GRB2: variants seen among roughly 807,000 people sequenced by gnomAD.
GRB2 encodes the protein growth factor receptor-bound protein 2.
GRB2 carries 2 observed loss-of-function variants against 27.4 expected under a neutral mutation model. The observed-to-expected ratio is 0.07, with a 90% confidence interval of 0.03 to 0.23. The LOEUF (loss-of-function observed/expected upper bound fraction) is 0.23. Ranked by LOEUF, GRB2 falls within the 10% of genes least tolerant of loss-of-function variation. The pLI is 1.00. For missense variants in GRB2, 102 were observed against 282.4 expected (o/e 0.36, Z 4.58); for synonymous variants, 94 against 99.6 (o/e 0.94, Z 0.33).
intron 1 of GRB2, 138 bp from the exon 2 acceptor site, chr17:75,393,903 GC>G (rs34770042): frequency 0.73 from 287,593 of 394,626 alleles, 109,738 homozygotes; most frequent in East Asian, 0.91. Flanking sequence ...CCAGGCAACA[GC>G]CCCCCCCCGC....
intron 2 of GRB2, among the ~76,000 whole-genome samples, chr17:75,366,005 T>C (rs936574913): frequency 6.6e-6 from 1 of 152,186 alleles, no homozygotes; most frequent in Non-Finnish European, 1.5e-5. Context: ...TTAAAACACA[T>C]GTAAACATAA....
intron 2 of GRB2, among the ~76,000 whole-genome samples, chr17:75,392,291 G>T (rs1598255669): frequency 6.6e-6 from 1 of 152,224 alleles, no homozygotes; most frequent in South Asian, 2.1e-4. Context: ...CTCGAAAAGT[G>T]TGGTGTCACA....
chr17:75,389,307 C>CT (rs11393747), intron 2 of GRB2, among the ~76,000 whole-genome samples: 152,322 of 152,322 alleles, frequency 1, 76,161 homozygotes, highest in Non-Finnish European at 1. Context: ...TCCTGTTCTC[C>CT]TACAAGGTTC....
At chr17:75,326,345 TG>T (rs1286246071) in intron 3 of GRB2, 2 of 287,710 alleles carry the variant, frequency 7.0e-6, no homozygotes, top group Non-Finnish European at 1.3e-5. Flanking sequence ...CAAAGGCGCC[TG>T]GGGAAAAGCT....
At chr17:75,351,832 T>C (rs1272665416) in intron 2 of GRB2, among the ~76,000 whole-genome samples, 2 of 152,158 alleles carry the variant, frequency 1.3e-5, no homozygotes, top group Non-Finnish European at 2.9e-5. Context: ...AATTACCAAT[T>C]CAAATAAATA....
intron 2 of GRB2, among the ~76,000 whole-genome samples, chr17:75,337,898 C>CTATTAT (rs1187281414): frequency 0.028 from 3,722 of 133,002 alleles, 60 homozygotes; most frequent in African/African-American, 0.046. Context: ...ACTACTACTA[C>CTATTAT]TACTATTATT....
chr17:75,353,701 A>G (rs966659232), intron 2 of GRB2, among the ~76,000 whole-genome samples: 27 of 151,774 alleles, frequency 1.8e-4, no homozygotes, highest in African/African-American at 6.6e-4. Flanking sequence ...CAGAGGTTGC[A>G]GTGAGCCGAG....
intron 3 of GRB2, among the ~76,000 whole-genome samples, chr17:75,331,594 G>C (rs994843938): frequency 1.3e-5 from 2 of 152,198 alleles, no homozygotes; most frequent in Admixed American, 6.5e-5. Flanking sequence ...AACTGAAGTC[G>C]ATGTTGTGTT....
chr17:75,334,500 G>A (rs1386629144), intron 2 of GRB2, among the ~76,000 whole-genome samples: 1 of 151,910 alleles, frequency 6.6e-6, no homozygotes, highest in Non-Finnish European at 1.5e-5. Context: ...GGCTAGTCTT[G>A]AACTCCTGGA....
chr17:75,335,369 A>C (rs2078570021), intron 2 of GRB2, among the ~76,000 whole-genome samples: 1 of 152,176 alleles, frequency 6.6e-6, no homozygotes. Context: ...GAAACTGGTA[A>C]CATTCTTTAC....
intron 2 of GRB2, among the ~76,000 whole-genome samples, chr17:75,349,865 G>A (rs901344611): frequency 6.6e-6 from 1 of 151,932 alleles, no homozygotes; most frequent in Non-Finnish European, 1.5e-5. Context: ...CCTCACTTTG[G>A]ATGATCATAT....
chr17:75,388,803 T>C (rs1482729647), intron 2 of GRB2, among the ~76,000 whole-genome samples: 1 of 152,110 alleles, frequency 6.6e-6, no homozygotes, highest in Non-Finnish European at 1.5e-5. Flanking sequence ...AACTCAGGAC[T>C]TATAACTTGT....
chr17:75,379,770 T>A (rs939742170), intron 2 of GRB2, among the ~76,000 whole-genome samples: 9 of 152,204 alleles, frequency 5.9e-5, no homozygotes, highest in Non-Finnish European at 1.2e-4. Flanking sequence ...ATTATACTTT[T>A]CAAAGCCAAG....
intron 2 of GRB2, among the ~76,000 whole-genome samples, chr17:75,353,296 C>T (rs1237376496): frequency 6.6e-6 from 1 of 151,936 alleles, no homozygotes; most frequent in Non-Finnish European, 1.5e-5. Flanking sequence ...TGGCCCTCTG[C>T]GTAAGTGGGC....
chr17:75,327,073 CTTT>C (rs66526663), intron 3 of GRB2, among the ~76,000 whole-genome samples: 1 of 135,822 alleles, frequency 7.4e-6, no homozygotes, highest in Non-Finnish European at 1.5e-5. Context: ...CATATCTTTT[CTTT>C]TTTTTTTTTT....
chr17:75,335,341 A>G (rs892214437), intron 2 of GRB2, among the ~76,000 whole-genome samples: 7 of 152,216 alleles, frequency 4.6e-5, no homozygotes, highest in African/African-American at 1.4e-4. Context: ...TCTACACTGC[A>G]TAACAAAGTT....
At chr17:75,401,726 GAAT>G (rs1277723016) in intron 1 of GRB2, among the ~76,000 whole-genome samples, 1 of 152,156 alleles carries the variant, frequency 6.6e-6, no homozygotes, top group Non-Finnish European at 1.5e-5. Context: ...TGGAAAATGG[GAAT>G]AATAACAGCC....
rs566245843 is a variant in GRB2 at position 75,374,680 on chromosome 17, G to A, written c.78+18871C>T. On this transcript the variant is annotated intron_variant, in intron 2 of 5. Coordinates refer to ENST00000316804, the MANE Select transcript of GRB2 (RefSeq NM_002086.5). ...CACATGCCTGTAGTCCCAGCTACTC[G>A]GGAAGCTGATGTGGGAAGATCGCTG... Among the ~76,000 whole-genome samples the A allele has an allele frequency of 4.0e-5, 6 of 151,894 alleles. No homozygotes were observed. In the South Asian group the frequency reaches 1.0e-3, roughly 26 times the overall value.
intron 2 of GRB2, among the ~76,000 whole-genome samples, chr17:75,379,694 ACT>A (rs2078915659): frequency 2.6e-5 from 4 of 152,276 alleles, no homozygotes; most frequent in Admixed American, 6.5e-5. Context: ...ACACCTGGTC[ACT>A]TGATTTCTTA....
Sources: allele counts gnomAD v4.1 joint callset (sites outside exome capture counted in the v4.1 genomes callset), GRCh38; gene constraint gnomAD v4.1.1; transcripts MANE v1.5; gene names NCBI Gene and HGNC (gene_info 2026-07-23, HGNC 2026-07-21).